CRB1: variants seen among roughly 807,000 people sequenced by gnomAD.
CRB1 encodes protein crumbs homolog 1.
In CRB1, 83 loss-of-function variants were observed where a neutral mutation model predicts 120.0. The observed-to-expected ratio is 0.69, with a 90% CI of 0.58 to 0.83. CRB1 has a LOEUF of 0.83. Among genes scored for constraint, CRB1 ranks in the 40% least tolerant of loss-of-function variants. The probability of loss-of-function intolerance (pLI) is 0.00; values close to 1 mark genes in which losing one functional copy is unlikely to be tolerated. For synonymous variants in CRB1, 625 were observed against 612.5 expected, an observed-to-expected ratio of 1.02 and a Z score of -0.30; for missense variants, 1,699 against 1,687.6, an observed-to-expected ratio of 1.01 and a Z score of -0.12.
At chr1:197,253,886 G>GAT in the CRB1 span, among the ~76,000 whole-genome samples, 2,265 of 151,258 alleles carry the variant, frequency 0.015, 52 homozygotes, top group African/African-American at 0.047. Flanking sequence ...AGCCAACTGA[G>GAT]AAAAAAAAAT....
chr1:197,432,807 TTC>T (rs1664937897), intron 8 of CRB1, among the ~76,000 whole-genome samples: 1 of 152,092 alleles, frequency 6.6e-6, no homozygotes, highest in African/African-American at 2.4e-5. Flanking sequence ...AGGGAAAAGC[TTC>T]TCAGAGGAGG....
At chr1:197,397,122 A>C (rs1022814795) in intron 5 of CRB1, among the ~76,000 whole-genome samples, 4 of 152,062 alleles carry the variant, frequency 2.6e-5, no homozygotes, top group African/African-American at 4.8e-5. Flanking sequence ...AAAAATATAC[A>C]AAAAATTTAA....
chr1:197,368,406 C>A (rs1558087206), intron 5 of CRB1, among the ~76,000 whole-genome samples: 1 of 152,138 alleles, frequency 6.6e-6, no homozygotes, highest in Non-Finnish European at 1.5e-5. Context: ...TTTCTATGAA[C>A]AAAACTATTC....
chr1:197,259,233 G>A, the CRB1 span, among the ~76,000 whole-genome samples: 1 of 152,200 alleles, frequency 6.6e-6, no homozygotes, highest in Non-Finnish European at 1.5e-5. Flanking sequence ...GCATACGTAT[G>A]TTTATTGCAG....
intron 4 of CRB1, among the ~76,000 whole-genome samples, chr1:197,355,384 G>T (rs890682303): frequency 6.6e-6 from 1 of 152,220 alleles, no homozygotes; most frequent in Non-Finnish European, 1.5e-5. Context: ...CCAGTCCCGC[G>T]CAGTGCGCTG....
intron 11 of CRB1, among the ~76,000 whole-genome samples, chr1:197,464,710 T>C (rs1666678787): frequency 1.3e-5 from 2 of 152,256 alleles, no homozygotes; most frequent in South Asian, 4.1e-4. Flanking sequence ...ATAATTCATG[T>C]CAGTATGATA....
intron 11 of CRB1, among the ~76,000 whole-genome samples, chr1:197,453,616 G>T (rs957033423): frequency 1.4e-5 from 2 of 139,456 alleles, no homozygotes; most frequent in Non-Finnish European, 3.1e-5. Flanking sequence ...TTGCTCTGTT[G>T]CCCAGGCTAG....
chr1:197,213,241 C>T, the CRB1 span, among the ~76,000 whole-genome samples: 1 of 152,138 alleles, frequency 6.6e-6, no homozygotes, highest in African/African-American at 2.4e-5. Context: ...GAGAATGATA[C>T]AACAAAATGT....
intron 4 of CRB1, 119 bp downstream of exon 4, chr1:197,347,598 C>A: frequency 9.2e-7 from 1 of 1,088,050 alleles, no homozygotes; most frequent in Non-Finnish European, 1.3e-6. Flanking sequence ...TTTCTTCTAG[C>A]TAATATTGTT....
chr1:197,232,485 G>A, the CRB1 span, among the ~76,000 whole-genome samples: 2 of 152,210 alleles, frequency 1.3e-5, no homozygotes, highest in East Asian at 1.9e-4. Context: ...GACACAGAGG[G>A]TTACAAGAGA....
intron 5 of CRB1, among the ~76,000 whole-genome samples, chr1:197,406,458 T>TG (rs1558114009): frequency 2.0e-5 from 3 of 152,180 alleles, no homozygotes; most frequent in Admixed American, 1.3e-4. Flanking sequence ...CAGGGTCCTC[T>TG]GCCTAGGAAA....
At chr1:197,221,085 G>T in the CRB1 span, among the ~76,000 whole-genome samples, 1 of 152,206 alleles carries the variant, frequency 6.6e-6, no homozygotes, top group African/African-American at 2.4e-5. Flanking sequence ...CGATACTTGT[G>T]TTTTGCCTGG....
In CRB1 at chr1:197,478,203, C is replaced by A. The variant is rs190166697; in HGVS notation, c.*324C>A. On this transcript the variant is annotated 3_prime_UTR_variant, in exon 12 of 12. Coordinates refer to ENST00000367400, the MANE Select transcript of CRB1 (RefSeq NM_201253.3). ...CTCTTTCCTCTTTTCAACCTGGGAA[C>A]AAATTTTAGTTTTCATTTTAGGTTT... 34 of 341,580 alleles carry A rather than the reference C, an allele frequency of 1.0e-4. No homozygotes were observed. Among genetic ancestry groups the A allele is most frequent in the Admixed American group, 4.5e-5 (1 of 22,230 alleles). The allele number at this position is 341,580 out of a possible 1,614,324, so 21.2% of individuals were successfully genotyped here.
At chr1:197,430,766 T>C (rs1313968100) in intron 8 of CRB1, among the ~76,000 whole-genome samples, 1 of 152,202 alleles carries the variant, frequency 6.6e-6, no homozygotes, top group East Asian at 1.9e-4. Flanking sequence ...GAATATAAGC[T>C]TCACAAGGCA....
chr1:197,252,574 ATATATATATGTGTGTG>A, the CRB1 span, among the ~76,000 whole-genome samples: 38 of 41,820 alleles, frequency 9.1e-4, no homozygotes, highest in African/African-American at 2.5e-3. Flanking sequence ...ATATATATAT[ATATATATATGTGTGTG>A]TGTGTGTGTG....
At chr1:197,236,864 T>A in the CRB1 span, among the ~76,000 whole-genome samples, 1 of 152,246 alleles carries the variant, frequency 6.6e-6, no homozygotes, top group Admixed American at 6.5e-5. Context: ...AATCTCATTT[T>A]GTTGTGGTAT....
chr1:197,222,928 T>A, the CRB1 span: 1 of 1,007,790 alleles, frequency 9.9e-7, no homozygotes, highest in Non-Finnish European at 1.6e-6. Context: ...TCTAAAATCC[T>A]GTTGACGCTC....
At chr1:197,335,894 A>AAGGC (rs1659124953) in intron 2 of CRB1, among the ~76,000 whole-genome samples, 1 of 148,794 alleles carries the variant, frequency 6.7e-6, no homozygotes, top group African/African-American at 2.4e-5. Flanking sequence ...ATGCAAACAA[A>AAGGC]ATGAAAGCAT....
At chr1:197,384,457 C>T (rs893372140) in intron 5 of CRB1, among the ~76,000 whole-genome samples, 4 of 152,166 alleles carry the variant, frequency 2.6e-5, no homozygotes, top group Non-Finnish European at 4.4e-5. Flanking sequence ...TTTCAACAGT[C>T]ACCTGGTGTT....
Sources: gnomAD v4.1 joint callset for allele counts (sites outside exome capture counted in the v4.1 genomes callset) on GRCh38, gnomAD v4.1.1 for gene constraint, MANE v1.5 for transcripts, NCBI Gene and HGNC (gene_info 2026-07-23, HGNC 2026-07-21) for gene names.